The following BBS9 variants were observed in gnomAD, a reference collection of about 807,000 sequenced individuals.
The protein encoded by BBS9 is Bardet-Biedl syndrome 9, also known as protein PTHB1.
Under a neutral mutation model 117.7 loss-of-function variants are expected in BBS9, and 89 were observed. The observed-to-expected ratio is 0.76, with a 90% confidence interval of 0.64 to 0.90. The LOEUF (loss-of-function observed/expected upper bound fraction) is 0.90, where lower values mean the gene tolerates loss of function less well. Ranked by LOEUF, BBS9 falls within the 40% of genes least tolerant of loss-of-function variation. The probability of loss-of-function intolerance (pLI) is 0.00; values close to 1 mark genes in which losing one functional copy is unlikely to be tolerated. For synonymous variants in BBS9, 379 were observed against 370.9 expected (o/e 1.02, Z -0.25); for missense variants, 982 against 1,042.2 (o/e 0.94, Z 0.80).
intron 16 of BBS9, among the ~76,000 whole-genome samples, chr7:33,364,783 C>T (rs1305021613): frequency 6.7e-6 from 1 of 148,914 alleles, no homozygotes; most frequent in Non-Finnish European, 1.5e-5. Flanking sequence ...GGCTGGAGTG[C>T]AGTGGCATGA....
intron 4 of BBS9, among the ~76,000 whole-genome samples, chr7:33,165,780 A>G (rs566025047): frequency 3.9e-5 from 6 of 152,190 alleles, no homozygotes; most frequent in African/African-American, 1.4e-4. Context: ...GGGTTCGAAC[A>G]TCCTCCTTTA....
chr7:33,316,590 ATG>A (rs2128567070), intron 9 of BBS9, among the ~76,000 whole-genome samples: 1 of 152,280 alleles, frequency 6.6e-6, no homozygotes, highest in East Asian at 1.9e-4. Flanking sequence ...AGATATTCTA[ATG>A]TGTGTATGGT....
chr7:33,608,868 C>T (rs1864722732), downstream of BBS9, among the ~76,000 whole-genome samples: 1 of 129,718 alleles, frequency 7.7e-6, no homozygotes, highest in South Asian at 2.5e-4. Context: ...TTAATTAGGT[C>T]CTACTTATCA....
At chr7:33,424,465 T>C (rs1833347604) in intron 19 of BBS9, among the ~76,000 whole-genome samples, 1 of 152,186 alleles carries the variant, frequency 6.6e-6, no homozygotes, top group African/African-American at 2.4e-5. Context: ...GAGATGTTTT[T>C]TTTAAAAGGT....
rs564412354 is a variant in BBS9 at position 33,461,672 on chromosome 7, A to T, written c.2116-43791A>T. 2.5e-3 allele frequency among the ~76,000 whole-genome samples: 383 copies of T among 152,122 alleles called. 3 individuals are homozygous for T. Among genetic ancestry groups the T allele is most frequent in the African/African-American group, 8.3e-3 (343 of 41,554 alleles). ...ACTTCATGAAAATGAAACAAAAATT[A>T]AAAAATTAGGCTGAGTGTTCAATAA... is the stretch of plus-strand genomic sequence containing the variant. On this transcript the variant is annotated intron_variant, in intron 19 of 22. Coordinates refer to ENST00000242067, the MANE Select transcript of BBS9 (RefSeq NM_198428.3).
intron 21 of BBS9, among the ~76,000 whole-genome samples, chr7:33,611,676 T>C (rs1347663630): frequency 7.2e-6 from 1 of 138,328 alleles, no homozygotes; most frequent in East Asian, 2.0e-4. Context: ...TGATATTTAA[T>C]CCTTAATTAA....
At chr7:33,173,226 CT>C (rs779848907) in intron 4 of BBS9, among the ~76,000 whole-genome samples, 6 of 152,252 alleles carry the variant, frequency 3.9e-5, no homozygotes, top group African/African-American at 4.8e-5. Flanking sequence ...TTTATAAACA[CT>C]TTATCTTTAG....
chr7:33,596,200 C>A (rs544683691), intron 21 of BBS9, among the ~76,000 whole-genome samples: 27 of 147,332 alleles, frequency 1.8e-4, no homozygotes, highest in East Asian at 4.0e-4. Flanking sequence ...AAAAAAAAAA[C>A]CCAACAATTT....
chr7:33,366,796 G>A (rs1348699986), intron 16 of BBS9, among the ~76,000 whole-genome samples: 1 of 151,860 alleles, frequency 6.6e-6, no homozygotes, highest in African/African-American at 2.4e-5. Flanking sequence ...TGCCCACCTC[G>A]GCCTCCCAAA....
chr7:33,396,132 T>A (rs1827916212), intron 19 of BBS9, among the ~76,000 whole-genome samples: 1 of 152,100 alleles, frequency 6.6e-6, no homozygotes, highest in Non-Finnish European at 1.5e-5. Context: ...AAATGGAATT[T>A]GTACATTTTT....
At chr7:33,416,104 G>C (rs776553744) in intron 19 of BBS9, among the ~76,000 whole-genome samples, 1 of 152,080 alleles carries the variant, frequency 6.6e-6, no homozygotes, top group Non-Finnish European at 1.5e-5. Context: ...AAAGTTCTGG[G>C]ATTATAGGTG....
chr7:33,525,638 G>A (rs1376629892), intron 20 of BBS9, among the ~76,000 whole-genome samples: 2 of 131,208 alleles, frequency 1.5e-5, no homozygotes, highest in African/African-American at 6.1e-5. Flanking sequence ...GAGCCTATGT[G>A]TGTCTCTGCA....
intron 3 of BBS9, among the ~76,000 whole-genome samples, chr7:33,153,239 A>G (rs1793625559): frequency 6.6e-6 from 1 of 152,234 alleles, no homozygotes; most frequent in African/African-American, 2.4e-5. Flanking sequence ...AGGTTTTAAA[A>G]TGAATAGTTA....
intron 20 of BBS9, among the ~76,000 whole-genome samples, chr7:33,519,723 C>T (rs1477373777): frequency 6.6e-6 from 1 of 151,996 alleles, no homozygotes; most frequent in African/African-American, 2.4e-5. Flanking sequence ...TTCTGAAGCC[C>T]AGTAAAGTAA....
intron 20 of BBS9, among the ~76,000 whole-genome samples, chr7:33,519,134 A>G (rs1236587780): frequency 6.6e-6 from 1 of 152,148 alleles, no homozygotes; most frequent in Non-Finnish European, 1.5e-5. Context: ...CACTTAAATC[A>G]GTGGTTTCAT....
Position 33,152,942 on chromosome 7 carries a change from A to T in BBS9, c.263+91A>T, listed in dbSNP as rs567428001. 8.6e-5 allele frequency: 119 copies of T among 1,389,362 alleles called. 5 individuals are homozygous for T. In the South Asian group the frequency reaches 1.4e-3, roughly 17 times the overall value. The allele number at this position is 1,389,362 out of a possible 1,614,324, so 86.1% of individuals were successfully genotyped here. A position where few individuals can be genotyped will look rare whatever the true frequency, so the allele number is the denominator to read the frequency against. The stretch of plus-strand genomic sequence containing the variant: ...GTGTATTCTTCAAAGAAGACTATCC[A>T]TGAATTAAATATATTTTCTGGATAT... On this transcript the variant is annotated intron_variant, in intron 3 of 22. Transcript: ENST00000242067.
intron 5 of BBS9, among the ~76,000 whole-genome samples, chr7:33,189,841 G>A (rs1354306069): frequency 3.4e-5 from 5 of 148,114 alleles, no homozygotes; most frequent in East Asian, 2.0e-4. Context: ...AGCCGAGATC[G>A]AGCCACTGCA....
chr7:33,492,282 T>C (rs10247780), intron 19 of BBS9, among the ~76,000 whole-genome samples: 86,104 of 149,370 alleles, frequency 0.58, 26,899 homozygotes, highest in African/African-American at 0.83. Flanking sequence ...AATAATAATG[T>C]TAACCTTTAT....
intron 19 of BBS9, among the ~76,000 whole-genome samples, chr7:33,438,847 C>T (rs904127643): frequency 1.3e-5 from 2 of 152,210 alleles, no homozygotes; most frequent in Non-Finnish European, 2.9e-5. Flanking sequence ...CGAATGTTCT[C>T]ATATGCTGCT....
Sources: gnomAD v4.1 joint callset for allele counts (sites outside exome capture counted in the v4.1 genomes callset) on GRCh38, gnomAD v4.1.1 for gene constraint, MANE v1.5 for transcripts, NCBI Gene and HGNC (gene_info 2026-07-23, HGNC 2026-07-21) for gene names.